The following PWP1 variants were observed in gnomAD, a reference collection of about 807,000 sequenced individuals.
The protein encoded by PWP1 is PWP1 homolog, endonuclein, also known as periodic tryptophan protein 1 homolog.
PWP1 carries 47 observed loss-of-function variants against 69.9 expected under a neutral mutation model. The ratio of observed to expected loss-of-function variants is 0.67; its 90% CI spans 0.53 to 0.86. The LOEUF (loss-of-function observed/expected upper bound fraction) is 0.86. PWP1 is among the 40% of genes least tolerant of loss of function. The pLI is 0.00. For missense variants in PWP1, 551 were observed against 608.8 expected, an observed-to-expected ratio of 0.91 and a Z score of 1.00; for synonymous variants, 222 against 208.2, an observed-to-expected ratio of 1.07 and a Z score of -0.57.
At chr12:107,703,827 G>A in intron 10 of PWP1, 81 bp downstream of exon 10, 1 of 1,343,304 alleles carries the variant, frequency 7.4e-7, no homozygotes, top group Non-Finnish European at 1.1e-6. Context: ...TGGTACCCAG[G>A]CAGAATGTAT....
chr12:107,688,753 T>G lies in PWP1; in HGVS notation c.270T>G (p.Asp90Glu), dbSNP rs1276539307. 16 of 1,614,028 alleles carry G rather than the reference T, an allele frequency of 9.9e-6. No individual in the cohort carries two copies. The highest frequency in any genetic ancestry group is 1.1e-5 in the South Asian group (1 of 91,090). Residue 90 changes from aspartate (D) to glutamate (E), a missense_variant, in exon 3 of 15, where the codon GAT (aspartate) becomes GAG (glutamate). By Grantham distance (45) the Asp-to-Glu change is conservative. Transcript: ENST00000412830. ...AGGATGACAGGACGCTTGATGATGATGAGCTGGCTGAGTACGACTTAGATA... is the reference window on the plus strand; with the variant it reads ...AGGATGACAGGACGCTTGATGATGAGGAGCTGGCTGAGTACGACTTAGATA... ...DPEDDRTLDDDELAEYDLDKY... is the reference protein window; with the variant it reads ...DPEDDRTLDDEELAEYDLDKY...
intron 11 of PWP1, among the ~76,000 whole-genome samples, chr12:107,705,509 ATCCCTCCCCC>A (rs1889803347): frequency 7.1e-6 from 1 of 140,574 alleles, no homozygotes; most frequent in African/African-American, 2.6e-5. Flanking sequence ...TCCTAATGCT[ATCCCTCCCCC>A]TCCCCCCACC....
chr12:107,685,815 T>A lies in PWP1; in HGVS notation c.-85T>A, dbSNP rs902339757. 3 of 1,464,918 alleles carry A rather than the reference T, an allele frequency of 2.0e-6. No individual in the cohort carries two copies. The South Asian group carries it at 3.4e-5, about 17-fold the overall frequency. The allele number at this position is 1,464,918 out of a possible 1,614,324, so 90.7% of individuals were successfully genotyped here. A position where few individuals can be genotyped will look rare whatever the true frequency, so the allele number is the denominator to read the frequency against. On this transcript the variant is annotated 5_prime_UTR_variant, in exon 1 of 15. Coordinates refer to ENST00000412830, the MANE Select transcript of PWP1 (RefSeq NM_007062.3). ...TGCCCTGGCAGCGGCCCTGTGCAGA[T>A]CCCTGAGCGTGTGGCAGCAGTGCGG...
intron 8 of PWP1, 142 bp from the exon 9 acceptor site, chr12:107,702,793 T>C (rs1006112967): frequency 3.2e-6 from 2 of 622,380 alleles, no homozygotes; most frequent in Admixed American, 2.9e-5. Context: ...TAGTTTTCAT[T>C]ATGTAAGTCT....
rs753690607 is a variant in PWP1 at position 107,709,027 on chromosome 12, G to A, written c.1168+11G>A. 8 of 1,613,688 alleles carry A rather than the reference G, an allele frequency of 5.0e-6. No homozygotes were observed. In the South Asian group the frequency reaches 5.5e-5, roughly 11 times the overall value. On this transcript the variant is annotated intron_variant, in intron 12 of 14. Transcript: ENST00000412830. Reference sequence around the variant, plus strand: ...ATGATGAAATCTCTGGTGAGCAAGAGTAATGCTTCTTTCATTTTTCTTAAC... The same window carrying A: ...ATGATGAAATCTCTGGTGAGCAAGAATAATGCTTCTTTCATTTTTCTTAAC...
intron 11 of PWP1, among the ~76,000 whole-genome samples, chr12:107,707,265 G>A (rs936667323): frequency 6.6e-6 from 1 of 152,172 alleles, no homozygotes; most frequent in African/African-American, 2.4e-5. Context: ...AGACTTTGCT[G>A]AAGTTGCTTA....
Position 107,712,992 on chromosome 12 carries a change from C to T in PWP1, c.*772C>T, listed in dbSNP as rs1316959383. 1 of 152,162 alleles carries T rather than the reference C, an allele frequency of 6.6e-6. No homozygotes were observed. The highest frequency in any genetic ancestry group is 1.5e-5 in the Non-Finnish European group (1 of 68,040). 9.4% of individuals were successfully genotyped at this position (152,162 alleles called of 1,614,324 possible). On this transcript the variant is annotated 3_prime_UTR_variant, in exon 15 of 15. Transcript: ENST00000412830. ...AATATGAGACCCAACCCTAACTTGC[C>T]AGAAGAGTAATCAGTTCATGAACCA...
Position 107,688,439 on chromosome 12 carries a change from C to G in PWP1, c.73-9C>G. 6.2e-7 allele frequency: 1 copy of G among 1,601,240 alleles called. No homozygotes were observed. Among genetic ancestry groups the G allele is most frequent in the Non-Finnish European group, 8.5e-7 (1 of 1,176,398 alleles). On this transcript the variant is annotated splice_polypyrimidine_tract_variant and intron_variant, in intron 1 of 14. Transcript: ENST00000412830. ...CACATATTGTAATGAAATCTTTGCT[C>G]TCTTACAGGTAGAGCTGAGTAAAGA...
intron 5 of PWP1, 79 bp from the exon 6 acceptor site, chr12:107,696,395 G>A: frequency 6.4e-7 from 1 of 1,560,050 alleles, no homozygotes; most frequent in Non-Finnish European, 8.7e-7. Flanking sequence ...ACATTTAATA[G>A]AATTTGTTTT....
rs1889987684 is a variant in PWP1, at chr12:107,712,919, T to A, written c.*699T>A. 6.6e-6 allele frequency: 1 copy of A among 152,244 alleles called. No homozygotes were observed. The highest frequency in any genetic ancestry group is 1.5e-5 in the Non-Finnish European group (1 of 68,046). The allele number at this position is 152,244 out of a possible 1,614,324, so 9.4% of individuals were successfully genotyped here. A position where few individuals can be genotyped will look rare whatever the true frequency, so the allele number is the denominator to read the frequency against. On this transcript the variant is annotated 3_prime_UTR_variant, in exon 15 of 15. Coordinates refer to ENST00000412830, the MANE Select transcript of PWP1 (RefSeq NM_007062.3). ...CAGTTTTAATTATAGATTGTCTTCC[T>A]ATTAAGTATGAGTTTTAGTAGGCAT...
rs760952622 is a variant in PWP1, at chr12:107,685,870, C to G, written c.-30C>G. The G allele has an allele frequency of 4.3e-5, 70 of 1,612,982 alleles. No homozygotes were observed. The highest frequency in any genetic ancestry group is 5.9e-5 in the Non-Finnish European group (69 of 1,179,360). ...GGTCCCTCCCTATGCAGCCTGGTTT[C>G]TAGCGTGACACGCCCTTGACTTGAG... On this transcript the variant is annotated 5_prime_UTR_variant, in exon 1 of 15. Coordinates refer to ENST00000412830, the MANE Select transcript of PWP1 (RefSeq NM_007062.3).
chr12:107,708,708 C>G (rs1889877355), intron 11 of PWP1, among the ~76,000 whole-genome samples: 1 of 152,214 alleles, frequency 6.6e-6, no homozygotes, highest in African/African-American at 2.4e-5. Flanking sequence ...AGACCATTCA[C>G]CACAGCTTCA....
chr12:107,686,732 C>T (rs919639081), intron 1 of PWP1, among the ~76,000 whole-genome samples: 1 of 152,130 alleles, frequency 6.6e-6, no homozygotes, highest in African/African-American at 2.4e-5. Flanking sequence ...TTTGGGAGGC[C>T]AAGGCGGGCG....
chr12:107,712,077 C>T, intron 14 of PWP1, 34 bp from the exon 15 acceptor site: 3 of 1,527,104 alleles, frequency 2.0e-6, no homozygotes, highest in Non-Finnish European at 2.7e-6. Context: ...ATTTCCTGAT[C>T]TGTTAGTTTC....
At chr12:107,704,100 C>G (rs745641774) in intron 10 of PWP1, among the ~76,000 whole-genome samples, 1 of 152,170 alleles carries the variant, frequency 6.6e-6, no homozygotes, top group South Asian at 2.1e-4. Context: ...ATCAGTGCTC[C>G]TTTTTACAGA....
At chr12:107,695,067 A>G (rs1889556055) in intron 5 of PWP1, among the ~76,000 whole-genome samples, 1 of 150,974 alleles carries the variant, frequency 6.6e-6, no homozygotes, top group African/African-American at 2.4e-5. Flanking sequence ...CATCCTGGCT[A>G]ACACGGTAAA....
intron 5 of PWP1, among the ~76,000 whole-genome samples, chr12:107,695,794 A>G (rs2136275855): frequency 6.6e-6 from 1 of 152,236 alleles, no homozygotes; most frequent in East Asian, 1.9e-4. Context: ...GTTCTTTTTG[A>G]CTTATAATCA....
At chr12:107,702,819 A>C in intron 8 of PWP1, 116 bp from the exon 9 acceptor site, 1 of 683,352 alleles carries the variant, frequency 1.5e-6, no homozygotes, top group East Asian at 2.8e-5. Flanking sequence ...TTCTTTTGTT[A>C]AATTTATTCC....
chr12:107,708,977 C>A lies in PWP1; in HGVS notation c.1129C>A (p.Pro377Thr). 2 of 1,613,844 alleles carry A rather than the reference C, an allele frequency of 1.2e-6. No homozygotes were observed. The highest frequency in any genetic ancestry group is 8.5e-7 in the Non-Finnish European group (1 of 1,179,892). The part of the protein sequence containing the change: ...VYNLDARSDK[P>T]IFTLNAHNDE... Reference sequence around the variant, plus strand: ...TAATTTGGATGCACGTTCAGATAAGCCAATTTTTACACTTAATGCACACAA... The same window carrying A: ...TAATTTGGATGCACGTTCAGATAAGACAATTTTTACACTTAATGCACACAA... Residue 377 changes from proline (P) to threonine (T), a missense_variant, in exon 12 of 15, where the codon CCA (proline) becomes ACA (threonine). Pro to Thr is a conservative substitution (Grantham distance 38). Transcript: ENST00000412830.
Sources: gnomAD v4.1 joint callset for allele counts (sites outside exome capture counted in the v4.1 genomes callset) on GRCh38, gnomAD v4.1.1 for gene constraint, MANE v1.5 for transcripts, NCBI Gene and HGNC (gene_info 2026-07-23, HGNC 2026-07-21) for gene names.